OR52E6: variants seen among roughly 807,000 people sequenced by gnomAD.
OR52E6 encodes the protein olfactory receptor 52E6.
For missense variants in OR52E6, 419 were observed against 381.5 expected, an observed-to-expected ratio of 1.10 and a Z score of -0.82; for synonymous variants, 173 against 137.3, an observed-to-expected ratio of 1.26 and a Z score of -1.82.
chr11:5,841,647 A>G lies in OR52E6; in HGVS notation c.251T>C (p.Leu84Pro), dbSNP rs758565483. ...SLSTATIPKM[L>P]GIFWFNIKEI... ...CTTGATATTGAACCAGAAGATGCCC[A>G]GCATTTTGGGAATGGTGGCCGTAGA... Residue 84 changes from leucine (L) to proline (P), a missense_variant, in exon 1 of 1, where the codon CTG becomes CCG. Leu to Pro is a moderately conservative substitution (Grantham distance 98, BLOSUM62 -3). Transcript: ENST00000329322. 2 of 1,614,122 alleles carry G rather than the reference A, an allele frequency of 1.2e-6. No individual in the cohort carries two copies. Among genetic ancestry groups the G allele is most frequent in the Non-Finnish European group, 1.7e-6 (2 of 1,179,974 alleles).
chr11:5,841,810 C>T lies in OR52E6; in HGVS notation c.88G>A (p.Gly30Arg), dbSNP rs754205272. 1.9e-6 allele frequency: 3 copies of T among 1,613,698 alleles called. No individual in the cohort carries two copies. Among genetic ancestry groups the T allele is most frequent in the Non-Finnish European group, 2.5e-6 (3 of 1,179,840 alleles). The change falls in exon 1 of 1, where the codon GGA (glycine) becomes AGA (arginine). Residue 30 changes from glycine to arginine, a missense_variant. Coordinates refer to ENST00000329322, the MANE Select transcript of OR52E6 (RefSeq NM_001005167.2). The part of the protein sequence containing the change: ...PGLEDVHIWI[G>R]FPFFSVYLIA... Reference sequence around the variant, plus strand: ...AGATACACAGAGAAAAAAGGGAATCCAATCCAGATGTGCACATCTTCTAGC... The same window carrying T: ...AGATACACAGAGAAAAAAGGGAATCTAATCCAGATGTGCACATCTTCTAGC...
chr11:5,841,295 A>G lies in OR52E6; in HGVS notation c.603T>C (p.Gly201=), dbSNP rs755460609. ...CASIKVNIMF[G]LGSISLLLLD... is the part of the protein sequence containing the mutation. Reference sequence around the variant, plus strand: ...ATAACAAGAGAGAAATACTGCCAAGACCAAACATAATGTTGACTTTGATGC... The same window carrying G: ...ATAACAAGAGAGAAATACTGCCAAGGCCAAACATAATGTTGACTTTGATGC... Residue 201 remains glycine (G), a synonymous_variant, in exon 1 of 1, where the codon GGT becomes GGC. Coordinates refer to ENST00000329322, the MANE Select transcript of OR52E6 (RefSeq NM_001005167.2). The G allele has an allele frequency of 1.9e-6, 3 of 1,614,112 alleles. No individual in the cohort carries two copies. Among genetic ancestry groups the G allele is most frequent in the East Asian group, 2.2e-5 (1 of 44,842 alleles).
Position 5,841,577 on chromosome 11 carries a change from A to G in OR52E6, c.321T>C (p.His107=), listed in dbSNP as rs370082903. 1.2e-6 allele frequency: 2 copies of G among 1,614,060 alleles called. No individual in the cohort carries two copies. Among genetic ancestry groups the G allele is most frequent in the Non-Finnish European group, 1.7e-6 (2 of 1,179,998 alleles). Reference sequence around the variant, plus strand: ...CGATGCTCTCCATGACAGTGAAGAAATGGATGAAGAACATCTGAGAAAGGT... The same window carrying G: ...CGATGCTCTCCATGACAGTGAAGAAGTGGATGAAGAACATCTGAGAAAGGT... ...GGYLSQMFFI[H]FFTVMESIVL... Residue 107 remains histidine (H), a synonymous_variant, in exon 1 of 1, where the codon CAT becomes CAC. Transcript: ENST00000329322.
At position 5,840,961 on chromosome 11, in the gene OR52E6, G is replaced by C. The variant is rs755175527; in HGVS notation, c.937C>G (p.His313Asp). ...TVLRIFFKTD[H>D] ...ACCCTCCAAACTCCAACTGGTTAGT[G>C]ATCTGTCTTGAAGAAAATCCTCAGC... Residue 313 changes from histidine to aspartate, a missense_variant, in exon 1 of 1, where the codon CAC becomes GAC. Physicochemically the swap from His to Asp is moderately conservative, Grantham distance 81 (BLOSUM62 -1). Transcript: ENST00000329322. The C allele has an allele frequency of 6.5e-7, 1 of 1,547,006 alleles. No individual in the cohort carries two copies. The highest frequency in any genetic ancestry group is 8.7e-7 in the Non-Finnish European group (1 of 1,147,456).
In OR52E6 at chr11:5,841,662, G is replaced by A; in HGVS notation, c.236C>T (p.Thr79Ile). Residue 79 changes from threonine to isoleucine, a missense_variant, in exon 1 of 1, where the codon ACC becomes ATC. Physicochemically the swap from Thr to Ile is moderately conservative, Grantham distance 89. Transcript: ENST00000329322. ...GAAGATGCCCAGCATTTTGGGAATG[G>A]TGGCCGTAGACAAGCTCAGGTCAAT... is the stretch of plus-strand genomic sequence containing the variant. ...DSIDLSLSTA[T>I]IPKMLGIFWF... is the part of the protein sequence containing the mutation. 1 of 1,614,038 alleles carries A rather than the reference G, an allele frequency of 6.2e-7. No individual in the cohort carries two copies.
At position 5,841,358 on chromosome 11, in the gene OR52E6, G is replaced by T. The variant is rs369185989; in HGVS notation, c.540C>A (p.Tyr180Ter). Residue 180 changes from tyrosine (Y) to a stop codon, truncating the protein, a stop_gained, in exon 1 of 1, where the codon TAC (tyrosine) becomes TAA (stop). Transcript: ENST00000329322. LOFTEE classifies it low-confidence loss of function (END_TRUNC). ...FCGHRIIPHT[Y>*]CEHMGIARLA... ...GACGGGCAATGCCCATGTGCTCACA[G>T]TAAGTATGAGGGATGATACGATGTC... The T allele has an allele frequency of 6.2e-7, 1 of 1,614,172 alleles. No homozygotes were observed. The highest frequency in any genetic ancestry group is 1.1e-5 in the South Asian group (1 of 91,088).
At position 5,841,070 on chromosome 11, in the gene OR52E6, G is replaced by C. The variant is rs567349272; in HGVS notation, c.828C>G (p.Phe276Leu). The change falls in exon 1 of 1, where the codon TTC becomes TTG. Residue 276 changes from phenylalanine to leucine, a missense_variant. Physicochemically the swap from Phe to Leu is conservative, Grantham distance 22. Coordinates refer to ENST00000329322, the MANE Select transcript of OR52E6 (RefSeq NM_001005167.2). ...GAACAACCACATATAGATTAGCCAA[G>C]AAAATGTGGATATATTGGGGAATAT... ...GHDIPQYIHI[F>L]LANLYVVVPP... 9.9e-6 allele frequency: 16 copies of C among 1,613,774 alleles called. No homozygotes were observed. The highest frequency in any genetic ancestry group is 5.0e-5 in the Admixed American group (3 of 59,970).
In OR52E6 at chr11:5,841,640, G is replaced by T; in HGVS notation, c.258C>A (p.Ile86=). ...ATATTTCCTTGATATTGAACCAGAAGATGCCCAGCATTTTGGGAATGGTGG... is the reference window on the plus strand; with the variant it reads ...ATATTTCCTTGATATTGAACCAGAATATGCCCAGCATTTTGGGAATGGTGG... ...STATIPKMLG[I]FWFNIKEISF... Residue 86 remains isoleucine (I), a synonymous_variant, in exon 1 of 1, where the codon ATC becomes ATA. Coordinates refer to ENST00000329322, the MANE Select transcript of OR52E6 (RefSeq NM_001005167.2). 6.2e-7 allele frequency: 1 copy of T among 1,614,102 alleles called. No homozygotes were observed. The highest frequency in any genetic ancestry group is 8.5e-7 in the Non-Finnish European group (1 of 1,179,988).
rs772365832 is a variant in OR52E6, at chr11:5,841,500, C to T, written c.398G>A (p.Trp133Ter). ...TTTGCTGGTGAGGATCATGGTGTAC[C>T]AAAGAGGTTTGCAAATGGCAATGTA... ...DRYIAICKPL[W>*]YTMILTSKII... The change falls in exon 1 of 1, where the codon TGG becomes TAG. Residue 133 changes from tryptophan (W) to a stop codon, truncating the protein, a stop_gained. Transcript: ENST00000329322. LOFTEE classifies it low-confidence loss of function (END_TRUNC). 7 of 1,613,996 alleles carry T rather than the reference C, an allele frequency of 4.3e-6. No homozygotes were observed. In the East Asian group the frequency reaches 1.6e-4, roughly 36 times the overall value.
rs1327939490 is a variant in OR52E6 at position 5,841,145 on chromosome 11, G to A, written c.753C>T (p.Ala251=). 2 of 1,613,584 alleles carry A rather than the reference G, an allele frequency of 1.2e-6. No homozygotes were observed. The highest frequency in any genetic ancestry group is 8.5e-7 in the Non-Finnish European group (1 of 1,179,870). The change falls in exon 1 of 1, where the codon GCC becomes GCT. Residue 251 remains alanine, a synonymous_variant. Coordinates refer to ENST00000329322, the MANE Select transcript of OR52E6 (RefSeq NM_001005167.2). ...AAGAGAAAAATGCTGGTGTAGAAAA[G>A]GCTAAGATAACACCAATGTGAGAGC... ...TCGSHIGVIL[A]FSTPAFFSFF...
chr11:5,841,482 G>C lies in OR52E6; in HGVS notation c.416C>G (p.Thr139Ser). The part of the protein sequence containing the change: ...CKPLWYTMIL[T>S]SKIISLIAGI... ...TGCAATGAGGCTGATGATTTTGCTG[G>C]TGAGGATCATGGTGTACCAAAGAGG... The change falls in exon 1 of 1, where the codon ACC becomes AGC. Residue 139 changes from threonine (T) to serine (S), a missense_variant. Physicochemically the swap from Thr to Ser is moderately conservative, Grantham distance 58. Coordinates refer to ENST00000329322, the MANE Select transcript of OR52E6 (RefSeq NM_001005167.2). 1 of 1,614,134 alleles carries C rather than the reference G, an allele frequency of 6.2e-7. No homozygotes were observed. The highest frequency in any genetic ancestry group is 8.5e-7 in the Non-Finnish European group (1 of 1,180,006).
chr11:5,841,620 T>C lies in OR52E6; in HGVS notation c.278A>G (p.Glu93Gly). 1 of 1,614,110 alleles carries C rather than the reference T, an allele frequency of 6.2e-7. No individual in the cohort carries two copies. The highest frequency in any genetic ancestry group is 8.5e-7 in the Non-Finnish European group (1 of 1,179,988). ...AGAAAGGTAGCCTCCAAAAGATATT[T>C]CCTTGATATTGAACCAGAAGATGCC... ...MLGIFWFNIK[E>G]ISFGGYLSQM... Residue 93 changes from glutamate (E) to glycine (G), a missense_variant, in exon 1 of 1, where the codon GAA becomes GGA. By Grantham distance (98) the Glu-to-Gly change is moderately conservative (BLOSUM62 -2). Coordinates refer to ENST00000329322, the MANE Select transcript of OR52E6 (RefSeq NM_001005167.2).
rs764214100 is a variant in OR52E6 at position 5,841,152 on chromosome 11, A to C, written c.746T>G (p.Ile249Ser). ...AAATGCTGGTGTAGAAAAGGCTAAGATAACACCAATGTGAGAGCCACAGGT... is the reference window on the plus strand; with the variant it reads ...AAATGCTGGTGTAGAAAAGGCTAAGCTAACACCAATGTGAGAGCCACAGGT... ...LNTCGSHIGV[I>S]LAFSTPAFFS... is the part of the protein sequence containing the mutation. The change falls in exon 1 of 1, where the codon ATC becomes AGC. Residue 249 changes from isoleucine to serine, a missense_variant. Physicochemically the swap from Ile to Ser is moderately radical, Grantham distance 142 (BLOSUM62 -2). Transcript: ENST00000329322. 1 of 1,613,694 alleles carries C rather than the reference A, an allele frequency of 6.2e-7. No homozygotes were observed. Among genetic ancestry groups the C allele is most frequent in the African/African-American group, 1.3e-5 (1 of 74,894 alleles).
In OR52E6 at chr11:5,841,466, G is replaced by A. The variant is rs1157983442; in HGVS notation, c.432C>T (p.Ser144=). ...TCAGGACAGCAATGCCTGCAATGAG[G>A]CTGATGATTTTGCTGGTGAGGATCA... ...YTMILTSKII[S]LIAGIAVLRS... The change falls in exon 1 of 1, where the codon AGC becomes AGT. Residue 144 remains serine, a synonymous_variant. Coordinates refer to ENST00000329322, the MANE Select transcript of OR52E6 (RefSeq NM_001005167.2). The A allele has an allele frequency of 3.1e-6, 5 of 1,614,008 alleles. No homozygotes were observed. The highest frequency in any genetic ancestry group is 4.2e-6 in the Non-Finnish European group (5 of 1,180,008).
Position 5,841,576 on chromosome 11 carries a change from AATGG to A in OR52E6, c.318_321del (p.His107SerfsTer29). 1 of 1,614,178 alleles carries A rather than the reference AATGG, an allele frequency of 6.2e-7. No individual in the cohort carries two copies. The highest frequency in any genetic ancestry group is 8.5e-7 in the Non-Finnish European group (1 of 1,179,986). ...ACGATGCTCTCCATGACAGTGAAGA[AATGG>A]ATGAAGAACATCTGAGAAAGGTAGC... On this transcript the variant is annotated frameshift_variant, in exon 1 of 1. Transcript: ENST00000329322. LOFTEE classifies it low-confidence loss of function (END_TRUNC).
chr11:5,841,830 T>C lies in OR52E6; in HGVS notation c.68A>G (p.Glu23Gly). The change falls in exon 1 of 1, where the codon GAA (glutamate) becomes GGA (glycine). Residue 23 changes from glutamate (E) to glycine (G), a missense_variant. Physicochemically the swap from Glu to Gly is moderately conservative, Grantham distance 98. Coordinates refer to ENST00000329322, the MANE Select transcript of OR52E6 (RefSeq NM_001005167.2). Reference sequence around the variant, plus strand: ...GAATCCAATCCAGATGTGCACATCTTCTAGCCCTGGGATACCCAGCAGTAG... The same window carrying C: ...GAATCCAATCCAGATGTGCACATCTCCTAGCCCTGGGATACCCAGCAGTAG... The part of the protein sequence containing the change: ...SFLLLGIPGL[E>G]DVHIWIGFPF... 6.2e-7 allele frequency: 1 copy of C among 1,613,818 alleles called. No individual in the cohort carries two copies. The highest frequency in any genetic ancestry group is 1.1e-5 in the South Asian group (1 of 91,052).
rs1258637829 is a variant in OR52E6 at position 5,841,452 on chromosome 11, A to G, written c.446T>C (p.Ile149Thr). Residue 149 changes from isoleucine (I) to threonine (T), a missense_variant, in exon 1 of 1, where the codon ATT (isoleucine) becomes ACT (threonine). Ile to Thr is a moderately conservative substitution (Grantham distance 89). Transcript: ENST00000329322. ...TSKIISLIAG[I>T]AVLRSLYMVI... ...CATGTACAAGCTCCTCAGGACAGCA[A>G]TGCCTGCAATGAGGCTGATGATTTT... 4 of 1,614,164 alleles carry G rather than the reference A, an allele frequency of 2.5e-6. No homozygotes were observed. The highest frequency in any genetic ancestry group is 3.4e-6 in the Non-Finnish European group (4 of 1,180,002).
rs751569176 is a variant in OR52E6, at chr11:5,841,022, G to C, written c.876C>G (p.Ile292Met). The C allele has an allele frequency of 9.9e-6, 16 of 1,611,670 alleles. No individual in the cohort carries two copies. The highest frequency in any genetic ancestry group is 2.2e-5 in the East Asian group (1 of 44,854). Residue 292 changes from isoleucine (I) to methionine (M), a missense_variant, in exon 1 of 1, where the codon ATC becomes ATG. Coordinates refer to ENST00000329322, the MANE Select transcript of OR52E6 (RefSeq NM_001005167.2). Reference protein sequence around the residue: ...VVVPPTLNPVIYGVRTKHIRE... With the variant: ...VVVPPTLNPVMYGVRTKHIRE... ...TAATATGTTTGGTTCTGACCCCATA[G>C]ATTACAGGATTGAGGGTGGGAGGAA...
At position 5,841,046 on chromosome 11, in the gene OR52E6, A is replaced by C; in HGVS notation, c.852T>G (p.Val284=). ...AGATTACAGGATTGAGGGTGGGAGG[A>C]ACAACCACATATAGATTAGCCAAGA... The part of the protein sequence containing the change: ...HIFLANLYVV[V]PPTLNPVIYG... Residue 284 remains valine (V), a synonymous_variant, in exon 1 of 1, where the codon GTT becomes GTG. Coordinates refer to ENST00000329322, the MANE Select transcript of OR52E6 (RefSeq NM_001005167.2). 1 of 1,613,790 alleles carries C rather than the reference A, an allele frequency of 6.2e-7. No homozygotes were observed. Among genetic ancestry groups the C allele is most frequent in the Non-Finnish European group, 8.5e-7 (1 of 1,179,846 alleles).
Sources: allele counts gnomAD v4.1 joint callset, GRCh38; gene constraint gnomAD v4.1.1; transcripts MANE v1.5; gene names NCBI Gene and HGNC (gene_info 2026-07-23, HGNC 2026-07-21).